Variants in LAMA4 observed in about 807,000 individuals in gnomAD.
LAMA4 encodes laminin subunit alpha 4, also known as laminin subunit alpha-4.
LAMA4 carries 127 observed loss-of-function variants against 207.1 expected under a neutral mutation model. That is an observed-to-expected ratio of 0.61 (90% CI 0.53 to 0.71). The LOEUF is 0.71. LAMA4 is among the 30% of genes least tolerant of loss of function. The pLI, the probability that LAMA4 is intolerant of heterozygous loss-of-function variation, is 0.00. For synonymous variants in LAMA4, 761 were observed against 816.0 expected (o/e 0.93, Z 1.15); for missense variants, 2,093 against 2,246.5 (o/e 0.93, Z 1.38).
intron 5 of LAMA4, among the ~76,000 whole-genome samples, chr6:112,194,217 C>T (rs1019462087): frequency 6.6e-6 from 1 of 152,148 alleles, no homozygotes; most frequent in South Asian, 2.1e-4. Flanking sequence ...GCTCTTTGGC[C>T]GACTGAAATG....
intron 3 of LAMA4, among the ~76,000 whole-genome samples, chr6:112,213,146 G>A (rs1554357348): frequency 6.6e-6 from 1 of 152,200 alleles, no homozygotes; most frequent in East Asian, 1.9e-4. Flanking sequence ...CCCTGTGCCT[G>A]TGGTGAACTT....
intron 8 of LAMA4, chr6:112,187,223 CCT>C: frequency 6.3e-6 from 4 of 632,696 alleles, no homozygotes; most frequent in Non-Finnish European, 5.7e-6. Context: ...TCCCATATAA[CCT>C]CTTTTGTAGA....
At chr6:112,115,190 T>C (rs1412128629) in intron 36 of LAMA4, among the ~76,000 whole-genome samples, 4 of 152,152 alleles carry the variant, frequency 2.6e-5, no homozygotes, top group African/African-American at 7.2e-5. Context: ...GAGGATTAAA[T>C]GAGTTAATCT....
In LAMA4 at chr6:112,224,764, C is replaced by T. The variant is rs537016920; in HGVS notation, c.196-8295G>A. 4.8e-5 allele frequency among the ~76,000 whole-genome samples: 7 copies of T among 144,444 alleles called. No individual in the cohort carries two copies. In the South Asian group the frequency reaches 1.3e-3, roughly 27 times the overall value. 94.8% of individuals were successfully genotyped at this position (144,444 alleles called of 152,430 possible). A position where few individuals can be genotyped will look rare whatever the true frequency, so the allele number is the denominator to read the frequency against. ...CCGGGAGGCGGAGGTTGCAGTGAGC[C>T]GAGTTTGCGCCATTGCACTCCAGCC... On this transcript the variant is annotated intron_variant, in intron 2 of 38. Coordinates refer to ENST00000230538, the MANE Select transcript of LAMA4 (RefSeq NM_001105206.3).
At chr6:112,184,084 A>C (rs782014244) in intron 9 of LAMA4, among the ~76,000 whole-genome samples, 4 of 151,968 alleles carry the variant, frequency 2.6e-5, no homozygotes, top group Non-Finnish European at 4.4e-5. Flanking sequence ...TATTTAAGAG[A>C]TTTCACTGCT....
intron 10 of LAMA4, among the ~76,000 whole-genome samples, chr6:112,176,404 T>A (rs559122379): frequency 6.6e-6 from 1 of 152,348 alleles, no homozygotes; most frequent in South Asian, 2.1e-4. Context: ...TCTATGTGGT[T>A]GACCAGACAA....
intron 8 of LAMA4, among the ~76,000 whole-genome samples, chr6:112,186,357 T>C (rs1348013998): frequency 2.0e-5 from 3 of 152,244 alleles, no homozygotes; most frequent in African/African-American, 7.2e-5. Context: ...ACGTCCATGC[T>C]CTCAATCATT....
intron 2 of LAMA4, 44 bp from the exon 3 acceptor site, chr6:112,216,513 A>ACCAAAATCAATC: frequency 7.6e-7 from 1 of 1,311,734 alleles, no homozygotes; most frequent in Non-Finnish European, 1.1e-6. Flanking sequence ...GAAAAGATTG[A>ACCAAAATCAATC]TTTTGGTCAA....
chr6:112,182,664 C>A (rs1782437691), intron 9 of LAMA4, among the ~76,000 whole-genome samples: 1 of 152,136 alleles, frequency 6.6e-6, no homozygotes, highest in Non-Finnish European at 1.5e-5. Context: ...GCAGTACCTC[C>A]TGAGCCGCCC....
Position 112,172,811 on chromosome 6 carries a change from A to G in LAMA4, c.1358-7T>C, listed in dbSNP as rs370442561. On this transcript the variant is annotated splice_polypyrimidine_tract_variant and splice_region_variant and intron_variant, in intron 11 of 38. Transcript: ENST00000230538. ...CTCTCAGCCTGGCTCAGTACTGGGA[A>G]GAAATGGAGATAAAGGCTCAGTGTG... 125 of 1,612,232 alleles carry G rather than the reference A, an allele frequency of 7.8e-5. No individual in the cohort carries two copies. The highest frequency in any genetic ancestry group is 1.0e-4 in the Non-Finnish European group (121 of 1,178,610).
intron 8 of LAMA4, chr6:112,186,859 T>C: frequency 2.2e-6 from 1 of 455,762 alleles, no homozygotes; most frequent in Non-Finnish European, 4.4e-6. Context: ...TTTTGTTTTT[T>C]AATCTGTTGG....
intron 2 of LAMA4, among the ~76,000 whole-genome samples, chr6:112,233,409 A>C (rs1785688679): frequency 6.6e-6 from 1 of 152,208 alleles, no homozygotes; most frequent in Non-Finnish European, 1.5e-5. Flanking sequence ...TTTTAAAAGG[A>C]ACTTGCACAG....
At chr6:112,222,042 A>G (rs1784954131) in intron 2 of LAMA4, among the ~76,000 whole-genome samples, 2 of 152,172 alleles carry the variant, frequency 1.3e-5, no homozygotes, top group Admixed American at 1.3e-4. Flanking sequence ...TTTTCAGATC[A>G]GGCTTAACAT....
intron 31 of LAMA4, 53 bp from the exon 32 acceptor site, chr6:112,122,254 G>A: frequency 5.1e-6 from 7 of 1,367,922 alleles, no homozygotes; most frequent in Non-Finnish European, 7.3e-6. Context: ...GCAGCAAAAA[G>A]TAATTTGTGA....
intron 9 of LAMA4, among the ~76,000 whole-genome samples, chr6:112,180,378 T>C (rs1456197817): frequency 1.3e-5 from 2 of 152,238 alleles, no homozygotes; most frequent in African/African-American, 4.8e-5. Context: ...GAACATCTAT[T>C]CCTTTACATT....
intron 10 of LAMA4, 79 bp downstream of exon 10, chr6:112,178,042 A>G (rs1474447909): frequency 1.0e-6 from 1 of 995,244 alleles, no homozygotes; most frequent in Non-Finnish European, 1.6e-6. Flanking sequence ...AACACTTAAC[A>G]GTAGCCATTA....
intron 9 of LAMA4, among the ~76,000 whole-genome samples, chr6:112,183,965 AAAAAG>A (rs1782527682): frequency 6.6e-6 from 1 of 151,412 alleles, no homozygotes; most frequent in African/African-American, 2.4e-5. Flanking sequence ...AAAAAAAAAA[AAAAAG>A]AAAAAAGAAT....
chr6:112,172,816 T>A lies in LAMA4; in HGVS notation c.1358-12A>T, dbSNP rs397516716. 6.2e-7 allele frequency: 1 copy of A among 1,611,468 alleles called. No homozygotes were observed. Among genetic ancestry groups the A allele is most frequent in the Non-Finnish European group, 8.5e-7 (1 of 1,178,072 alleles). Reference sequence around the variant, plus strand: ...AGCCTGGCTCAGTACTGGGAAGAAATGGAGATAAAGGCTCAGTGTGGCTTT... The same window carrying A: ...AGCCTGGCTCAGTACTGGGAAGAAAAGGAGATAAAGGCTCAGTGTGGCTTT... On this transcript the variant is annotated splice_polypyrimidine_tract_variant and intron_variant, in intron 11 of 38. Transcript: ENST00000230538.
chr6:112,144,897 T>A lies in LAMA4; in HGVS notation c.2390A>T (p.Asp797Val). The A allele has an allele frequency of 6.2e-7, 1 of 1,614,012 alleles. No individual in the cohort carries two copies. Among genetic ancestry groups the A allele is most frequent in the Non-Finnish European group, 8.5e-7 (1 of 1,180,010 alleles). Residue 797 changes from aspartate (D) to valine (V), a missense_variant, in exon 19 of 39, where the codon GAT becomes GTT. Around this residue, in one of 3 missense-constraint regions of LAMA4, gnomAD observed 1,704 missense variants for 1,788.4 expected, o/e 0.95. Transcript: ENST00000230538. ...CTTCTGCTCAACCGTACGAAGCTGA[T>A]CCAGGAGCTGAGGGACAACCTCGGT... ...NLTEVVPQLL[D>V]QLRTVEQKRP...
Sources: gnomAD v4.1 joint callset for allele counts (sites outside exome capture counted in the v4.1 genomes callset) on GRCh38, gnomAD v4.1.1 for gene constraint, gnomAD v4.1.1 regional missense constraint, MANE v1.5 for transcripts, NCBI Gene and HGNC (gene_info 2026-07-23, HGNC 2026-07-21) for gene names.